Variants in NCOR2 observed in about 807,000 individuals in gnomAD.
The protein encoded by NCOR2 is CTG repeat protein 26.
Under a neutral mutation model 262.9 loss-of-function variants are expected in NCOR2, and 81 were observed. The observed-to-expected ratio is 0.31, with a 90% CI of 0.26 to 0.37. The LOEUF (loss-of-function observed/expected upper bound fraction) is 0.37. Ranked by LOEUF, NCOR2 falls within the 10% of genes least tolerant of loss-of-function variation. The pLI is 1.00. For synonymous variants in NCOR2, 1,659 were observed against 1,559.3 expected (o/e 1.06, Z -1.51); for missense variants, 3,385 against 3,621.4 (o/e 0.93, Z 1.68).
intron 1 of NCOR2, among the ~76,000 whole-genome samples, chr12:124,546,325 C>T (rs2051542503): frequency 6.6e-6 from 1 of 152,224 alleles, no homozygotes; most frequent in Non-Finnish European, 1.5e-5. Context: ...TCCTGCTTAG[C>T]CACGGCAGCT....
In NCOR2 at chr12:124,439,414, C is replaced by CAG. The variant is rs773057938; in HGVS notation, c.816-1420_816-1419dup. ...CCAGAGACAGAGGGAGACAGAGACC[C>CAG]AGAGAGAGAGAGAGAGAGACAGAGA... On this transcript the variant is annotated intron_variant, in intron 7 of 46. Transcript: ENST00000405201. 2.3e-4 allele frequency among the ~76,000 whole-genome samples: 8 copies of CAG among 35,238 alleles called. 1 individual carries two copies. The highest frequency in any genetic ancestry group is 2.2e-3 in the East Asian group (2 of 928). 23.1% of individuals were successfully genotyped at this position (35,238 alleles called of 152,430 possible).
chr12:124,488,197 G>GT (rs2047883971), intron 1 of NCOR2, among the ~76,000 whole-genome samples: 1 of 152,204 alleles, frequency 6.6e-6, no homozygotes, highest in Non-Finnish European at 1.5e-5. Context: ...CGTTGATAAT[G>GT]TATCTGTTGC....
intron 17 of NCOR2, among the ~76,000 whole-genome samples, chr12:124,380,505 C>A (rs1263142240): frequency 6.6e-6 from 1 of 152,246 alleles, no homozygotes; most frequent in Non-Finnish European, 1.5e-5. Context: ...CCAGTCCCAG[C>A]CCTGCCCCGA....
At chr12:124,509,235 TGG>T (rs1555234131) in intron 1 of NCOR2, among the ~76,000 whole-genome samples, 11 of 55,084 alleles carry the variant, frequency 2.0e-4, no homozygotes, top group African/African-American at 3.7e-4. Flanking sequence ...CTGGCTTTGG[TGG>T]GGGGGGGGGG....
chr12:124,424,247 G>A (rs1334363119), intron 11 of NCOR2, among the ~76,000 whole-genome samples: 1 of 152,124 alleles, frequency 6.6e-6, no homozygotes, highest in East Asian at 1.9e-4. Context: ...AAAACATCAT[G>A]CCTACCAGGG....
chr12:124,427,796 G>A (rs2043642128), intron 10 of NCOR2, among the ~76,000 whole-genome samples: 1 of 152,176 alleles, frequency 6.6e-6, no homozygotes. Context: ...CCTCTGCTCT[G>A]CCCTCCCACA....
At chr12:124,361,279 C>T (rs1397738685) in intron 22 of NCOR2, among the ~76,000 whole-genome samples, 1 of 152,164 alleles carries the variant, frequency 6.6e-6, no homozygotes, top group East Asian at 1.9e-4. Flanking sequence ...TTGGAGCAGC[C>T]TGCCAGCAAG....
At chr12:124,363,128 G>A (rs530844830) in intron 21 of NCOR2, among the ~76,000 whole-genome samples, 18 of 152,366 alleles carry the variant, frequency 1.2e-4, no homozygotes, top group Non-Finnish European at 2.2e-4. Context: ...GGACTGGGCC[G>A]TGTAGCCTGA....
At chr12:124,326,713 G>A (rs1324418622) in intron 45 of NCOR2, among the ~76,000 whole-genome samples, 1 of 152,128 alleles carries the variant, frequency 6.6e-6, no homozygotes, top group Non-Finnish European at 1.5e-5. Flanking sequence ...TTTGAGCGTG[G>A]CCCCAGGACC....
chr12:124,375,170 C>T (rs1424623420), intron 18 of NCOR2, among the ~76,000 whole-genome samples: 5 of 152,224 alleles, frequency 3.3e-5, no homozygotes, highest in Non-Finnish European at 7.3e-5. Flanking sequence ...GCCCAGCTTC[C>T]TGTGTCCTTA....
At chr12:124,346,441 G>T in intron 31 of NCOR2, 123 bp downstream of exon 33, 3 of 1,073,752 alleles carry the variant, frequency 2.8e-6, no homozygotes, top group African/African-American at 1.7e-5. Flanking sequence ...GCAGCTGGGT[G>T]ACTGTAAGGT....
intron 13 of NCOR2, among the ~76,000 whole-genome samples, chr12:124,417,663 C>T (rs547253906): frequency 2.6e-5 from 4 of 152,306 alleles, no homozygotes; most frequent in South Asian, 2.1e-4. Flanking sequence ...TAATCCCCAC[C>T]GCTCCCTGCT....
chr12:124,529,094 G>A (rs1207868120), intron 1 of NCOR2, among the ~76,000 whole-genome samples: 10 of 144,798 alleles, frequency 6.9e-5, no homozygotes, highest in Non-Finnish European at 1.5e-4. Context: ...CAGGAGAATT[G>A]CTTGAACCCG....
intron 16 of NCOR2, chr12:124,388,815 G>A: frequency 1.5e-6 from 2 of 1,296,114 alleles, no homozygotes; most frequent in African/African-American, 3.0e-5. Context: ...GCTGCTGGTT[G>A]GCGTCTGCTG....
intron 12 of NCOR2, among the ~76,000 whole-genome samples, chr12:124,421,040 C>T (rs191310193): frequency 3.0e-4 from 46 of 152,342 alleles, no homozygotes; most frequent in Non-Finnish European, 1.9e-4. Flanking sequence ...TGTGGGTGCC[C>T]GACTTCTCCT....
At chr12:124,327,131 T>G in intron 45 of NCOR2, among the ~76,000 whole-genome samples, 1 of 150,484 alleles carries the variant, frequency 6.6e-6, no homozygotes, top group East Asian at 2.0e-4. Context: ...GCGGGAGGAC[T>G]GGGGGGCGGA....
At chr12:124,368,071 C>T (rs949429950) in intron 20 of NCOR2, among the ~76,000 whole-genome samples, 8 of 152,352 alleles carry the variant, frequency 5.3e-5, no homozygotes, top group East Asian at 1.9e-4. Context: ...CCTGCAGTTG[C>T]GAGCAAAGGC....
chr12:124,445,254 C>T (rs535858152), intron 7 of NCOR2, among the ~76,000 whole-genome samples: 2 of 152,334 alleles, frequency 1.3e-5, no homozygotes, highest in Non-Finnish European at 2.9e-5. Context: ...CCATAGACTC[C>T]CGGGAATTCC....
intron 1 of NCOR2, among the ~76,000 whole-genome samples, chr12:124,535,281 CACTG>C (rs2051068304): frequency 6.6e-6 from 1 of 152,246 alleles, no homozygotes; most frequent in South Asian, 2.1e-4. Context: ...ACCCTCCTGA[CACTG>C]ACACTGTCAG....
Sources: allele counts gnomAD v4.1 joint callset (sites outside exome capture counted in the v4.1 genomes callset), GRCh38; gene constraint gnomAD v4.1.1; transcripts MANE v1.5; gene names NCBI Gene and HGNC (gene_info 2026-07-23, HGNC 2026-07-21).